The following GSE1 variants were observed in gnomAD, a reference collection of about 807,000 sequenced individuals.
The protein encoded by GSE1 is Gse1 coiled-coil protein.
Under a neutral mutation model 112.6 loss-of-function variants are expected in GSE1, and 32 were observed. The observed-to-expected ratio is 0.28, with a 90% confidence interval of 0.21 to 0.38. The LOEUF (loss-of-function observed/expected upper bound fraction) is 0.38, where lower values mean the gene tolerates loss of function less well. Ranked by LOEUF, GSE1 falls within the 10% of genes least tolerant of loss-of-function variation. The pLI, the probability that GSE1 is intolerant of heterozygous loss-of-function variation, is 1.00. For missense variants in GSE1, 2,348 were observed against 1,699.2 expected, an observed-to-expected ratio of 1.38 and a Z score of -6.71; for synonymous variants, 1,115 against 735.6, an observed-to-expected ratio of 1.52 and a Z score of -8.35.
chr16:85,542,748 G>A (rs891612007), intron 2 of GSE1, among the ~76,000 whole-genome samples: 1 of 152,224 alleles, frequency 6.6e-6, no homozygotes, highest in African/African-American at 2.4e-5. Flanking sequence ...GTTTGTGGGT[G>A]GCCCTGCTGG....
intron 2 of GSE1, among the ~76,000 whole-genome samples, chr16:85,494,319 C>T (rs2051102521): frequency 6.6e-6 from 1 of 152,224 alleles, no homozygotes; most frequent in South Asian, 2.1e-4. Context: ...TCACTACAGT[C>T]TCTTCCTCTG....
In GSE1 at chr16:85,673,167, ACAAAC is replaced by A. The variant is rs1481174049; in HGVS notation, c.*629_*633del. On this transcript the variant is annotated 3_prime_UTR_variant, in exon 16 of 16. Coordinates refer to ENST00000253458, the MANE Select transcript of GSE1 (RefSeq NM_014615.5). Reference sequence around the variant, plus strand: ...TCTTACCTAAAGATAAAACCAATTCACAAACTGAAGGTAGCTTTTTATTACTCCGT... The same window carrying A: ...TCTTACCTAAAGATAAAACCAATTCATGAAGGTAGCTTTTTATTACTCCGT... 2.0e-5 allele frequency: 3 copies of A among 152,572 alleles called. No homozygotes were observed. Among genetic ancestry groups the A allele is most frequent in the African/African-American group, 7.2e-5 (3 of 41,442 alleles). The allele number at this position is 152,572 out of a possible 1,614,324, so 9.5% of individuals were successfully genotyped here.
At chr16:85,550,242 C>G (rs1343141261) in intron 2 of GSE1, among the ~76,000 whole-genome samples, 2 of 152,142 alleles carry the variant, frequency 1.3e-5, no homozygotes, top group African/African-American at 4.8e-5. Context: ...AACATGCACT[C>G]TGGAGCCAGC....
chr16:85,347,507 G>A (rs941647549), intron 1 of GSE1, among the ~76,000 whole-genome samples: 3 of 152,184 alleles, frequency 2.0e-5, no homozygotes, highest in African/African-American at 7.2e-5. Context: ...GAGCCTGAGT[G>A]TGTCCTGAGG....
At chr16:85,462,209 C>G (rs1037438633) in intron 2 of GSE1, among the ~76,000 whole-genome samples, 2 of 152,176 alleles carry the variant, frequency 1.3e-5, no homozygotes. Flanking sequence ...CCCCTGCAGT[C>G]TCCTCCTGGG....
In GSE1 at chr16:85,476,363, A is replaced by G. The variant is rs931847419; in HGVS notation, c.2464+118720A>G. On this transcript the variant is annotated intron_variant, in intron 2 of 2. Transcript: ENST00000637419. Reference sequence around the variant, plus strand: ...GCCGAGGCTGGGTTGACGTTCAGGGATGGTGAGGTTTCTGGGGGTCTTCTA... The same window carrying G: ...GCCGAGGCTGGGTTGACGTTCAGGGGTGGTGAGGTTTCTGGGGGTCTTCTA... 3.3e-5 allele frequency among the ~76,000 whole-genome samples: 5 copies of G among 152,144 alleles called. 1 individual carries two copies. The highest frequency in any genetic ancestry group is 1.3e-4 in the Admixed American group (2 of 15,272).
chr16:85,436,455 C>G (rs1415956791), intron 2 of GSE1, among the ~76,000 whole-genome samples: 1 of 152,244 alleles, frequency 6.6e-6, no homozygotes, highest in Non-Finnish European at 1.5e-5. Flanking sequence ...TCTGCCCTCT[C>G]CCTGGTTGAT....
At chr16:85,441,144 C>G (rs2049366211) in intron 2 of GSE1, among the ~76,000 whole-genome samples, 1 of 152,304 alleles carries the variant, frequency 6.6e-6, no homozygotes. Flanking sequence ...GTTTCTCAGC[C>G]TCGGCACTGT....
chr16:85,382,954 C>T (rs764047932), intron 2 of GSE1, among the ~76,000 whole-genome samples: 8 of 150,806 alleles, frequency 5.3e-5, no homozygotes, highest in Non-Finnish European at 1.0e-4. Context: ...CACATGCACA[C>T]ACGTGCACAC....
intron 1 of GSE1, among the ~76,000 whole-genome samples, chr16:85,235,648 C>T (rs1904554425): frequency 6.6e-6 from 1 of 151,702 alleles, no homozygotes; most frequent in Non-Finnish European, 1.5e-5. Flanking sequence ...CGTCCCCCCT[C>T]CTCCCCCCGA....
At chr16:85,170,731 C>G in exon 1 of GSE1, 2 of 985,590 alleles carry the variant, frequency 2.0e-6, no homozygotes, top group Non-Finnish European at 2.4e-6. Flanking sequence ...CTTCCTGTGG[C>G]TGCACAGCCC....
chr16:85,190,503 C>G (rs1384221409), intron 1 of GSE1, among the ~76,000 whole-genome samples: 5 of 152,234 alleles, frequency 3.3e-5, no homozygotes, highest in African/African-American at 4.8e-5. Context: ...TCCAGTTTCA[C>G]TTGTCTTTGT....
intron 2 of GSE1, among the ~76,000 whole-genome samples, chr16:85,364,989 C>G (rs1407228119): frequency 1.3e-5 from 2 of 152,230 alleles, no homozygotes; most frequent in Non-Finnish European, 2.9e-5. Context: ...TGGCTGTCTT[C>G]GAGGCTGTCT....
intron 2 of GSE1, among the ~76,000 whole-genome samples, chr16:85,440,844 G>C (rs1460220725): frequency 2.6e-5 from 4 of 152,252 alleles, no homozygotes; most frequent in Admixed American, 1.3e-4. Flanking sequence ...TCTGTGCCCT[G>C]GGAGGCCAAC....
At position 85,482,977 on chromosome 16, in the gene GSE1, C is replaced by CAAAAAAAAAAAAAAAAAA. The variant is rs3054201; in HGVS notation, c.2464+125337_2464+125354dup. On this transcript the variant is annotated intron_variant, in intron 2 of 2. Transcript: ENST00000637419. ...AGGATGACAGAGTGAGACTCCGTCT[C>CAAAAAAAAAAAAAAAAAA]AAAAAAAAAAAAAAAAAAAATACCA... 1.8e-3 allele frequency among the ~76,000 whole-genome samples: 88 copies of CAAAAAAAAAAAAAAAAAA among 48,164 alleles called. 2 individuals are homozygous for CAAAAAAAAAAAAAAAAAA. Among genetic ancestry groups the CAAAAAAAAAAAAAAAAAA allele is most frequent in the African/African-American group, 6.0e-3 (84 of 14,010 alleles). 31.6% of individuals were successfully genotyped at this position (48,164 alleles called of 152,430 possible). A position where few individuals can be genotyped will look rare whatever the true frequency, so the allele number is the denominator to read the frequency against.
intron 2 of GSE1, among the ~76,000 whole-genome samples, chr16:85,447,661 G>A (rs1300053387): frequency 3.9e-5 from 6 of 152,182 alleles, no homozygotes; most frequent in Non-Finnish European, 8.8e-5. Context: ...ATGAGGCCAC[G>A]GAGGCTCTGT....
chr16:85,661,318 C>G lies in GSE1; in HGVS notation c.1813C>G (p.Leu605Val). ...GACGCGGCGGGCCGAAAGCCACTCT[C>G]TGCACAGCCACCCGGCTGCATTTGA... ...LETRRAESHS[L>V]HSHPAAFEPS... The change falls in exon 9 of 16, where the codon CTG (leucine) becomes GTG (valine). Residue 605 changes from leucine to valine, a missense_variant. Transcript: ENST00000253458. 3.7e-6 allele frequency: 6 copies of G among 1,612,680 alleles called. No homozygotes were observed. The highest frequency in any genetic ancestry group is 5.1e-6 in the Non-Finnish European group (6 of 1,179,912).
At chr16:85,277,765 G>T (rs945904485) in intron 1 of GSE1, among the ~76,000 whole-genome samples, 1 of 152,196 alleles carries the variant, frequency 6.6e-6, no homozygotes, top group African/African-American at 2.4e-5. Flanking sequence ...CTGCTTCTCC[G>T]TTGCCCCTGC....
rs373944284 is a variant in GSE1, at chr16:85,654,956, C to T, written c.762C>T (p.Tyr254=). 6.2e-6 allele frequency: 10 copies of T among 1,607,902 alleles called. No homozygotes were observed. The African/African-American group carries it at 9.3e-5, about 15-fold the overall frequency. ...ATAAAYYHPS[Y]LAPHPFPHPA... ...CTGCAGCCTACTACCACCCCAGCTA[C>T]CTGGCCCCACACCCCTTCCCCCACC... The change falls in exon 5 of 16, where the codon TAC becomes TAT. Residue 254 remains tyrosine (Y), a synonymous_variant. Coordinates refer to ENST00000253458, the MANE Select transcript of GSE1 (RefSeq NM_014615.5).
Sources: gnomAD v4.1 joint callset for allele counts (sites outside exome capture counted in the v4.1 genomes callset) on GRCh38, gnomAD v4.1.1 for gene constraint, MANE v1.5 for transcripts, NCBI Gene and HGNC (gene_info 2026-07-23, HGNC 2026-07-21) for gene names.